ROR2: variants seen among roughly 807,000 people sequenced by gnomAD.
ROR2 encodes ROR family WNT receptor 2, also known as tyrosine-protein kinase transmembrane receptor ROR2.
In ROR2, 33 loss-of-function variants were observed where a neutral mutation model predicts 74.9. That is an observed-to-expected ratio of 0.44 (90% CI 0.33 to 0.59). ROR2 has a LOEUF of 0.59. ROR2 is among the 20% of genes least tolerant of loss of function. ROR2 has a pLI of 0.02. For synonymous variants in ROR2, 586 were observed against 558.7 expected (o/e 1.05, Z -0.69); for missense variants, 1,216 against 1,313.8 (o/e 0.93, Z 1.15).
rs536195231 is a variant in ROR2, at chr9:91,780,182, C to T, written c.98-4364G>A. Among the ~76,000 whole-genome samples, 3 of 152,172 alleles carry T rather than the reference C, an allele frequency of 2.0e-5. No homozygotes were observed. The South Asian group carries it at 6.2e-4, about 32-fold the overall frequency. On this transcript the variant is annotated intron_variant, in intron 1 of 8. Coordinates refer to ENST00000375708, the MANE Select transcript of ROR2 (RefSeq NM_004560.4). ...CAAGGCGGGTGGATCACGAGACCAT[C>T]CTGGCTAACACAGTGAAACCCCGTC...
intron 1 of ROR2, among the ~76,000 whole-genome samples, chr9:91,829,999 T>G (rs1828413117): frequency 6.6e-6 from 1 of 152,234 alleles, no homozygotes. Flanking sequence ...TTTCTTAAAG[T>G]GTCTAAATGC....
intron 1 of ROR2, among the ~76,000 whole-genome samples, chr9:91,949,175 C>T (rs1832099420): frequency 6.6e-6 from 1 of 151,760 alleles, no homozygotes; most frequent in African/African-American, 2.4e-5. Flanking sequence ...ACCCGCGATC[C>T]CAGTCACAAA....
At chr9:91,794,994 C>T (rs1407309605) in intron 1 of ROR2, among the ~76,000 whole-genome samples, 2 of 151,338 alleles carry the variant, frequency 1.3e-5, no homozygotes, top group South Asian at 2.1e-4. Context: ...TGGTGGCAGG[C>T]GCCTGTAATC....
intron 1 of ROR2, among the ~76,000 whole-genome samples, chr9:91,780,703 A>G (rs925034070): frequency 4.6e-5 from 7 of 152,226 alleles, no homozygotes; most frequent in Non-Finnish European, 1.0e-4. Context: ...AGGCAGGAGA[A>G]TCACTTGAAT....
intron 1 of ROR2, among the ~76,000 whole-genome samples, chr9:91,802,841 G>T (rs1225707296): frequency 6.6e-6 from 1 of 152,124 alleles, no homozygotes; most frequent in Non-Finnish European, 1.5e-5. Context: ...AAGGCATTCA[G>T]GGGCCACACA....
rs1176918079 is a variant in ROR2 at position 91,733,996 on chromosome 9, A to C, written c.623-560T>G. Among the ~76,000 whole-genome samples the C allele has an allele frequency of 6.6e-6, 1 of 152,150 alleles. No homozygotes were observed. Among genetic ancestry groups the C allele is most frequent in the African/African-American group, 2.4e-5 (1 of 41,428 alleles). ...GGTGAGAGCAGCAAAGTGGGAGGAG[A>C]GCCGCGTTACAACTCTGGAAGGTTC... On this transcript the variant is annotated intron_variant, in intron 5 of 8. Coordinates refer to ENST00000375708, the MANE Select transcript of ROR2 (RefSeq NM_004560.4). This position sits in a 1 kb window ranked among gnomAD's most constrained non-coding sequence, Gnocchi z 5.7.
At chr9:91,900,192 A>G (rs4430151) in intron 1 of ROR2, among the ~76,000 whole-genome samples, 47,344 of 151,996 alleles carry the variant, frequency 0.31, 7,766 homozygotes, top group Admixed American at 0.48. Flanking sequence ...CTCAGGATGC[A>G]GCGGGTCCCC....
At chr9:91,903,843 T>C (rs191698822) in intron 1 of ROR2, among the ~76,000 whole-genome samples, 1 of 152,272 alleles carries the variant, frequency 6.6e-6, no homozygotes, top group East Asian at 1.9e-4. Flanking sequence ...CCCATACTTA[T>C]TTTACGTATT....
At chr9:91,836,538 T>TAAAAAAAAAAAAAAAAAAAAAAA (rs780112183) in intron 1 of ROR2, among the ~76,000 whole-genome samples, 1 of 111,054 alleles carries the variant, frequency 9.0e-6, no homozygotes, top group Admixed American at 8.2e-5. Flanking sequence ...AGATTCCATC[T>TAAAAAAAAAAAAAAAAAAAAAAA]CAAAAAAAAA....
At chr9:91,798,203 A>G (rs1333396011) in intron 1 of ROR2, among the ~76,000 whole-genome samples, 8 of 44,606 alleles carry the variant, frequency 1.8e-4, no homozygotes, top group African/African-American at 6.5e-4. Context: ...GGGGTCTGTT[A>G]GTGGGGAATG....
chr9:91,858,986 C>G (rs1312802832), intron 1 of ROR2, among the ~76,000 whole-genome samples: 1 of 152,110 alleles, frequency 6.6e-6, no homozygotes, highest in African/African-American at 2.4e-5. Flanking sequence ...ACCAGGCAAA[C>G]AGGGTTGCCA....
At chr9:91,848,000 T>C (rs750138586) in intron 1 of ROR2, among the ~76,000 whole-genome samples, 13 of 152,144 alleles carry the variant, frequency 8.5e-5, no homozygotes, top group African/African-American at 2.9e-4. Context: ...GTTATTTATA[T>C]TGTGGAATCT....
At chr9:91,779,836 A>T (rs1398600741) in intron 1 of ROR2, among the ~76,000 whole-genome samples, 1 of 152,232 alleles carries the variant, frequency 6.6e-6, no homozygotes, top group African/African-American at 2.4e-5. Context: ...AAATTAAAAC[A>T]TTTTGGAAAA....
intron 1 of ROR2, among the ~76,000 whole-genome samples, chr9:91,785,593 G>A (rs1186172247): frequency 1.3e-5 from 2 of 152,358 alleles, no homozygotes; most frequent in East Asian, 1.9e-4. Flanking sequence ...TTTTGCACGA[G>A]GAGTCTCTGA....
rs764583168 is a variant in ROR2 at position 91,775,801 on chromosome 9, C to A, written c.115G>T (p.Asp39Tyr). The A allele has an allele frequency of 6.2e-7, 1 of 1,614,144 alleles. No homozygotes were observed. Among genetic ancestry groups the A allele is most frequent in the South Asian group, 1.1e-5 (1 of 91,086 alleles). ...SRTSGEVEVL[D>Y]PNDPLGPLDG... ...AGGGGTCCTAAAGGGTCGTTCGGAT[C>A]CAGAACCTCCACTTCACCTGGGAAA... is the stretch of plus-strand genomic sequence containing the variant. Residue 39 changes from aspartate to tyrosine, a missense_variant, in exon 2 of 9, where the codon GAT becomes TAT. Physicochemically the swap from Asp to Tyr is radical, Grantham distance 160. Transcript: ENST00000375708.
chr9:91,827,362 G>T (rs989867018), intron 1 of ROR2, among the ~76,000 whole-genome samples: 1 of 151,910 alleles, frequency 6.6e-6, no homozygotes, highest in Non-Finnish European at 1.5e-5. Context: ...AGTGAGCAGA[G>T]ATCACACCAT....
At chr9:91,861,244 GT>G (rs1473089494) in intron 1 of ROR2, among the ~76,000 whole-genome samples, 1 of 126,748 alleles carries the variant, frequency 7.9e-6, no homozygotes, top group Non-Finnish European at 1.6e-5. Flanking sequence ...ATTTTTTGAG[GT>G]TTTGTTTTGT....
At chr9:91,814,963 C>T (rs889333763) in intron 1 of ROR2, among the ~76,000 whole-genome samples, 1 of 152,224 alleles carries the variant, frequency 6.6e-6, no homozygotes, top group African/African-American at 2.4e-5. Flanking sequence ...CTGACACAGT[C>T]GGTGACAATG....
intron 1 of ROR2, among the ~76,000 whole-genome samples, chr9:91,820,486 C>T (rs1160520638): frequency 1.3e-5 from 2 of 152,136 alleles, no homozygotes; most frequent in Non-Finnish European, 2.9e-5. Context: ...TGCACAGTGG[C>T]TTCAGTGTGG....
Sources: gnomAD v4.1 joint callset for allele counts (sites outside exome capture counted in the v4.1 genomes callset) on GRCh38, gnomAD v4.1.1 for gene constraint, Gnocchi (gnomAD v3.1) non-coding constraint, MANE v1.5 for transcripts, NCBI Gene and HGNC (gene_info 2026-07-23, HGNC 2026-07-21) for gene names.